The following KCNMA1 variants were observed in gnomAD, a reference collection of about 807,000 sequenced individuals.
The protein encoded by KCNMA1 is Calcium-activated potassium channel subunit alpha-1.
In KCNMA1, 29 loss-of-function variants were observed where a neutral mutation model predicts 140.0. That is an observed-to-expected ratio of 0.21 (90% CI 0.15 to 0.28). The LOEUF (loss-of-function observed/expected upper bound fraction) is 0.28. Among genes scored for constraint, KCNMA1 ranks in the 10% least tolerant of loss-of-function variants. The pLI is 1.00. For synonymous variants in KCNMA1, 612 were observed against 611.9 expected, an observed-to-expected ratio of 1.00 and a Z score of 0.00; for missense variants, 880 against 1,602.2, an observed-to-expected ratio of 0.55 and a Z score of 7.70.
intron 1 of KCNMA1, among the ~76,000 whole-genome samples, chr10:77,436,071 C>T (rs1031729540): frequency 3.3e-5 from 5 of 152,194 alleles, no homozygotes; most frequent in African/African-American, 7.2e-5. Context: ...AGGCCCTGCA[C>T]GTAGAGAACG....
At chr10:77,028,549 C>T (rs1166691538) in intron 15 of KCNMA1, among the ~76,000 whole-genome samples, 1 of 152,112 alleles carries the variant, frequency 6.6e-6, no homozygotes, top group Non-Finnish European at 1.5e-5. Context: ...AACCCATCCT[C>T]ACAGGCCACG....
chr10:77,144,138 A>T (rs186732668), intron 5 of KCNMA1, among the ~76,000 whole-genome samples: 2 of 152,348 alleles, frequency 1.3e-5, no homozygotes, highest in African/African-American at 4.8e-5. Context: ...TAACAGCTTT[A>T]TTCAAAATAA....
intron 16 of KCNMA1, among the ~76,000 whole-genome samples, chr10:77,026,267 T>C (rs1463416032): frequency 1.3e-5 from 2 of 152,206 alleles, no homozygotes; most frequent in Non-Finnish European, 2.9e-5. Context: ...AGTCAGATTA[T>C]TCCAGAATGG....
chr10:77,131,977 AAAAAAG>A (rs1388225591), intron 5 of KCNMA1, among the ~76,000 whole-genome samples: 3 of 151,566 alleles, frequency 2.0e-5, no homozygotes, highest in Non-Finnish European at 2.9e-5. Context: ...AAAAAAAAAA[AAAAAAG>A]AAAAGAAAAG....
chr10:76,982,038 G>A (rs1235231491), intron 19 of KCNMA1, among the ~76,000 whole-genome samples: 1 of 152,200 alleles, frequency 6.6e-6, no homozygotes, highest in Non-Finnish European at 1.5e-5. Context: ...CTGGGGGGAT[G>A]AGCATTAGTT....
rs1348253821 is a variant in KCNMA1, at chr10:77,348,254, G to A, written c.540+55608C>T. ...GGGGCAACAGTGTGCTCTGACATAC[G>A]ATTCGAGATGTACCAAGTCTGAGTC... On this transcript the variant is annotated intron_variant, in intron 2 of 27. Coordinates refer to ENST00000286628, the MANE Select transcript of KCNMA1 (RefSeq NM_001161352.2). Among the ~76,000 whole-genome samples the A allele has an allele frequency of 3.3e-5, 5 of 152,158 alleles. 1 individual carries two copies. Among genetic ancestry groups the A allele is most frequent in the South Asian group, 4.1e-4 (2 of 4,822 alleles).
chr10:77,553,990 G>A (rs2063509812), intron 1 of KCNMA1, among the ~76,000 whole-genome samples: 1 of 149,676 alleles, frequency 6.7e-6, no homozygotes, highest in Non-Finnish European at 1.5e-5. Context: ...TTTTTTTTAA[G>A]GTTCCAACAG....
chr10:77,087,824 C>A (rs2096728191), intron 10 of KCNMA1, among the ~76,000 whole-genome samples: 1 of 152,122 alleles, frequency 6.6e-6, no homozygotes, highest in Non-Finnish European at 1.5e-5. Context: ...GATAAGTCAA[C>A]ACTTGCCTAA....
At chr10:77,166,645 G>A (rs1014885708) in intron 5 of KCNMA1, among the ~76,000 whole-genome samples, 6 of 151,938 alleles carry the variant, frequency 3.9e-5, no homozygotes, top group African/African-American at 1.5e-4. Context: ...AGAGGGAGAG[G>A]AGAAGGAGGA....
chr10:77,617,228 G>T (rs757664345), intron 1 of KCNMA1, among the ~76,000 whole-genome samples: 32 of 152,342 alleles, frequency 2.1e-4, no homozygotes, highest in Non-Finnish European at 4.1e-4. Flanking sequence ...CACCACAGGA[G>T]TGAGACAAGA....
intron 5 of KCNMA1, among the ~76,000 whole-genome samples, chr10:77,139,511 A>G (rs1427073854): frequency 6.6e-6 from 1 of 152,226 alleles, no homozygotes; most frequent in Non-Finnish European, 1.5e-5. Flanking sequence ...TTTGTTAGGC[A>G]CAATTACATA....
intron 3 of KCNMA1, among the ~76,000 whole-genome samples, chr10:77,187,928 C>T (rs1302423007): frequency 1.3e-5 from 2 of 152,098 alleles, no homozygotes; most frequent in Non-Finnish European, 2.9e-5. Flanking sequence ...CAAATGGAAA[C>T]AACCCATGGA....
intron 2 of KCNMA1, among the ~76,000 whole-genome samples, chr10:77,336,503 C>T (rs2089085026): frequency 6.6e-6 from 1 of 151,184 alleles, no homozygotes; most frequent in Non-Finnish European, 1.5e-5. Flanking sequence ...GAAGAGAAAT[C>T]AGTCTTGCCT....
chr10:77,529,919 C>T (rs575172940), intron 1 of KCNMA1, among the ~76,000 whole-genome samples: 28 of 152,314 alleles, frequency 1.8e-4, no homozygotes, highest in African/African-American at 6.5e-4. Flanking sequence ...GCTCTCCCCA[C>T]CTCTTACCTC....
chr10:77,429,688 A>C (rs2097106905), intron 1 of KCNMA1, among the ~76,000 whole-genome samples: 1 of 152,140 alleles, frequency 6.6e-6, no homozygotes. Context: ...GTTTTGTTTG[A>C]CCTAACATCT....
At chr10:77,080,304 G>A (rs2096532368) in intron 12 of KCNMA1, among the ~76,000 whole-genome samples, 1 of 152,208 alleles carries the variant, frequency 6.6e-6, no homozygotes, top group Non-Finnish European at 1.5e-5. Flanking sequence ...CTACTCTATG[G>A]TGTAGCCCCG....
intron 2 of KCNMA1, among the ~76,000 whole-genome samples, chr10:77,388,117 T>C (rs1466436736): frequency 1.9e-4 from 29 of 152,250 alleles, no homozygotes; most frequent in Admixed American, 1.9e-3. Context: ...AGATTGCATG[T>C]CATGTGTAAT....
At chr10:76,956,753 G>A (rs2068479118) in intron 20 of KCNMA1, among the ~76,000 whole-genome samples, 1 of 152,134 alleles carries the variant, frequency 6.6e-6, no homozygotes, top group Non-Finnish European at 1.5e-5. Context: ...CAAAGTACAA[G>A]GTGATACAAG....
chr10:77,555,137 A>G (rs545541016), intron 1 of KCNMA1, among the ~76,000 whole-genome samples: 1 of 152,166 alleles, frequency 6.6e-6, no homozygotes, highest in Admixed American at 6.5e-5. Flanking sequence ...GAAAGAGGAC[A>G]CTGACATAGG....
Sources: gnomAD v4.1 joint callset for allele counts (sites outside exome capture counted in the v4.1 genomes callset) on GRCh38, gnomAD v4.1.1 for gene constraint, MANE v1.5 for transcripts, NCBI Gene and HGNC (gene_info 2026-07-23, HGNC 2026-07-21) for gene names.